Variants in RALGAPB observed in about 807,000 individuals in gnomAD.
RALGAPB encodes the protein Ral GTPase activating protein non-catalytic subunit beta.
A neutral mutation model predicts 161.1 loss-of-function variants in RALGAPB; 25 were observed. The ratio of observed to expected loss-of-function variants is 0.16; its 90% CI spans 0.11 to 0.22. The LOEUF (loss-of-function observed/expected upper bound fraction) is 0.22. Among genes scored for constraint, RALGAPB ranks in the 10% least tolerant of loss-of-function variants. The probability of loss-of-function intolerance (pLI) is 1.00; values close to 1 mark genes in which losing one functional copy is unlikely to be tolerated. For missense variants in RALGAPB, 1,391 were observed against 1,815.2 expected (o/e 0.77, Z 4.25); for synonymous variants, 629 against 626.1 (o/e 1.00, Z -0.07).
At chr20:38,539,277 A>G (rs888375237) in intron 16 of RALGAPB, among the ~76,000 whole-genome samples, 11 of 152,228 alleles carry the variant, frequency 7.2e-5, no homozygotes, top group African/African-American at 2.7e-4. Flanking sequence ...ACAAAGGTGC[A>G]TGAAGAGATT....
chr20:38,546,673 G>A (rs1388761794), intron 19 of RALGAPB: 5 of 480,822 alleles, frequency 1.0e-5, no homozygotes, highest in East Asian at 7.4e-5. Context: ...ATAAAAGGTG[G>A]TGTTTTAGTG....
rs74597479 is a variant in RALGAPB, at chr20:38,570,596, G to A, written c.4064-173G>A. Reference sequence around the variant, plus strand: ...CTTTAGATGAAATTAGCTAAAAAATGTCTTGAGAGAGAATTTTTTAATTTG... The same window carrying A: ...CTTTAGATGAAATTAGCTAAAAAATATCTTGAGAGAGAATTTTTTAATTTG... On this transcript the variant is annotated intron_variant, in intron 27 of 29. Coordinates refer to ENST00000262879, the MANE Select transcript of RALGAPB (RefSeq NM_020336.4). Among the ~76,000 whole-genome samples the A allele has an allele frequency of 9.3e-4, 142 of 152,270 alleles. 2 individuals carry two copies. In the East Asian group the frequency reaches 0.026, roughly 28 times the overall value.
Position 38,488,587 on chromosome 20 carries a change from G to A in RALGAPB, c.155G>A (p.Gly52Asp). 6.2e-7 allele frequency: 1 copy of A among 1,612,972 alleles called. No individual in the cohort carries two copies. The highest frequency in any genetic ancestry group is 8.5e-7 in the Non-Finnish European group (1 of 1,179,676). ...GQVLGTPSVA[G>D]SENLLKTDKE... Reference sequence around the variant, plus strand: ...GTGTTAGGTACCCCTTCAGTGGCTGGTAGTGAGAATTTGTTAAAAACTGAC... The same window carrying A: ...GTGTTAGGTACCCCTTCAGTGGCTGATAGTGAGAATTTGTTAAAAACTGAC... Residue 52 changes from glycine (G) to aspartate (D), a missense_variant, in exon 2 of 30, where the codon GGT becomes GAT. Around this residue, in one of 3 missense-constraint regions of RALGAPB, gnomAD observed 946 missense variants for 1,257.2 expected, o/e 0.75. Coordinates refer to ENST00000262879, the MANE Select transcript of RALGAPB (RefSeq NM_020336.4).
At chr20:38,511,421 G>T (rs2085948379) in intron 6 of RALGAPB, among the ~76,000 whole-genome samples, 1 of 151,758 alleles carries the variant, frequency 6.6e-6, no homozygotes, top group Non-Finnish European at 1.5e-5. Flanking sequence ...TGGAGGGAAG[G>T]TCAGCAGATA....
At chr20:38,522,614 T>C (rs868564458) in intron 10 of RALGAPB, among the ~76,000 whole-genome samples, 1 of 152,212 alleles carries the variant, frequency 6.6e-6, no homozygotes, top group African/African-American at 2.4e-5. Context: ...TATTTAGATA[T>C]CTGCATACTT....
chr20:38,505,339 A>G (rs1038786633), intron 5 of RALGAPB, among the ~76,000 whole-genome samples: 4 of 152,248 alleles, frequency 2.6e-5, no homozygotes, highest in African/African-American at 9.6e-5. Context: ...AAAACCAAGT[A>G]TCACATGTTC....
intron 9 of RALGAPB, 48 bp from the exon 10 acceptor site, chr20:38,521,449 T>C (rs531338673): frequency 2.5e-6 from 4 of 1,610,010 alleles, no homozygotes; most frequent in South Asian, 2.2e-5. Flanking sequence ...CCCATGAGCC[T>C]ACGTGGCATA....
In RALGAPB at chr20:38,497,525, A is replaced by ATT. The variant is rs746522464; in HGVS notation, c.553+19_553+20dup. On this transcript the variant is annotated intron_variant, in intron 4 of 29. Transcript: ENST00000262879. The stretch of plus-strand genomic sequence containing the variant: ...CCCACCAACTGTTCAAGGTTTGTTT[A>ATT]TTTTTTTTTTTCTAATTTATTTCTG... The ATT allele has an allele frequency of 1.6e-5, 21 of 1,293,872 alleles. No homozygotes were observed. The highest frequency in any genetic ancestry group is 2.8e-5 in the East Asian group (1 of 35,156). The allele number at this position is 1,293,872 out of a possible 1,614,324, so 80.1% of individuals were successfully genotyped here.
chr20:38,535,705 C>T (rs78018406), intron 16 of RALGAPB, among the ~76,000 whole-genome samples: 4 of 152,154 alleles, frequency 2.6e-5, no homozygotes, highest in African/African-American at 9.6e-5. Context: ...CCTGCCTCAG[C>T]CTCCAACTAG....
intron 28 of RALGAPB, 144 bp from the exon 29 acceptor site, chr20:38,574,006 A>C: frequency 1.4e-6 from 1 of 700,994 alleles, no homozygotes; most frequent in South Asian, 2.7e-5. Flanking sequence ...TTCTGAGCAC[A>C]CTGACCCCTT....
At chr20:38,509,392 T>C (rs985617958) in intron 6 of RALGAPB, among the ~76,000 whole-genome samples, 184 bp downstream of exon 6, 1 of 152,162 alleles carries the variant, frequency 6.6e-6, no homozygotes, top group African/African-American at 2.4e-5. Flanking sequence ...CCCAGCAGGG[T>C]TAGGCTGTCC....
chr20:38,498,586 G>T (rs1038864345), intron 4 of RALGAPB, among the ~76,000 whole-genome samples: 2 of 152,238 alleles, frequency 1.3e-5, no homozygotes, highest in African/African-American at 4.8e-5. Context: ...CATGCCAGGG[G>T]TCTCAACAGC....
At position 38,567,207 on chromosome 20, in the gene RALGAPB, C is replaced by T; in HGVS notation, c.3929C>T (p.Thr1310Ile). 1 of 1,613,556 alleles carries T rather than the reference C, an allele frequency of 6.2e-7. No individual in the cohort carries two copies. Among genetic ancestry groups the T allele is most frequent in the Non-Finnish European group, 8.5e-7 (1 of 1,179,670 alleles). The change falls in exon 26 of 30, where the codon ACA becomes ATA. Residue 1310 changes from threonine (T) to isoleucine (I), a missense_variant. By Grantham distance (89) the Thr-to-Ile change is moderately conservative. Coordinates refer to ENST00000262879, the MANE Select transcript of RALGAPB (RefSeq NM_020336.4). Reference protein sequence around the residue: ...SLTLELFPNHTDNLNSSQRLS... With the variant: ...SLTLELFPNHIDNLNSSQRLS... Reference sequence around the variant, plus strand: ...ACACTTGAGCTTTTCCCCAATCATACAGACAATCTTAATTCCTCACAGAGG... The same window carrying T: ...ACACTTGAGCTTTTCCCCAATCATATAGACAATCTTAATTCCTCACAGAGG...
At chr20:38,562,184 G>C (rs2087808583) in intron 23 of RALGAPB, among the ~76,000 whole-genome samples, 1 of 152,192 alleles carries the variant, frequency 6.6e-6, no homozygotes, top group Non-Finnish European at 1.5e-5. Context: ...ACTCTGTGAA[G>C]GCAGGGACAT....
intron 11 of RALGAPB, among the ~76,000 whole-genome samples, 159 bp from the exon 12 acceptor site, chr20:38,525,245 A>G (rs1568941295): frequency 6.6e-6 from 1 of 152,244 alleles, no homozygotes; most frequent in South Asian, 2.1e-4. Context: ...AAATCAATCA[A>G]TCAACTTCTA....
chr20:38,574,508 A>C (rs1208293026), intron 29 of RALGAPB, among the ~76,000 whole-genome samples: 2 of 152,202 alleles, frequency 1.3e-5, no homozygotes, highest in Non-Finnish European at 2.9e-5. Flanking sequence ...ACTAACTTCT[A>C]GTATTAAAAT....
At position 38,517,488 on chromosome 20, in the gene RALGAPB, CTT is replaced by C. The variant is rs745444282; in HGVS notation, c.1052-5_1052-4del. On this transcript the variant is annotated splice_polypyrimidine_tract_variant and intron_variant, in intron 7 of 29. Transcript: ENST00000262879. ...ACCTATGAAGAATAATTTCATTTGTCTTTTTTTTTTTTTTAAGGTATTTCTAG... is the reference window on the plus strand; with the variant it reads ...ACCTATGAAGAATAATTTCATTTGTCTTTTTTTTTTTTAAGGTATTTCTAG... The C allele has an allele frequency of 6.0e-4, 788 of 1,304,084 alleles. No homozygotes were observed. Among genetic ancestry groups the C allele is most frequent in the South Asian group, 2.1e-3 (135 of 65,642 alleles). The allele number at this position is 1,304,084 out of a possible 1,614,324, so 80.8% of individuals were successfully genotyped here.
chr20:38,562,841 C>T, intron 24 of RALGAPB, 144 bp downstream of exon 24: 2 of 852,974 alleles, frequency 2.3e-6, no homozygotes, highest in Non-Finnish European at 3.4e-6. Flanking sequence ...TTCAAGAAGC[C>T]AAGGTGGGAG....
chr20:38,539,932 G>C lies in RALGAPB; in HGVS notation c.2536G>C (p.Glu846Gln), dbSNP rs1467540833. The change falls in exon 17 of 30, where the codon GAG becomes CAG. Residue 846 changes from glutamate (E) to glutamine (Q), a missense_variant. By Grantham distance (29) the Glu-to-Gln change is conservative (BLOSUM62 2). Coordinates refer to ENST00000262879, the MANE Select transcript of RALGAPB (RefSeq NM_020336.4). ...TCAGTGTCTCTGTGTCTGGCTGACAGAGCACCCTGATATGCTTGATGAAAA... is the reference window on the plus strand; with the variant it reads ...TCAGTGTCTCTGTGTCTGGCTGACACAGCACCCTGATATGCTTGATGAAAA... Reference protein sequence around the residue: ...AFQCLCVWLTEHPDMLDEKDC... With the variant: ...AFQCLCVWLTQHPDMLDEKDC... 6.2e-7 allele frequency: 1 copy of C among 1,613,838 alleles called. No homozygotes were observed.
Sources: allele counts gnomAD v4.1 joint callset (sites outside exome capture counted in the v4.1 genomes callset), GRCh38; gene constraint gnomAD v4.1.1; regional missense constraint gnomAD v4.1.1; transcripts MANE v1.5; gene names NCBI Gene and HGNC (gene_info 2026-07-23, HGNC 2026-07-21).